SLC2A12: variants seen among roughly 807,000 people sequenced by gnomAD.
The protein encoded by SLC2A12 is solute carrier family 2, facilitated glucose transporter member 12.
SLC2A12 carries 23 observed loss-of-function variants against 41.8 expected under a neutral mutation model. The observed-to-expected ratio is 0.55, with a 90% CI of 0.40 to 0.78. The LOEUF (loss-of-function observed/expected upper bound fraction) is 0.78, where lower values mean the gene tolerates loss of function less well. Among genes scored for constraint, SLC2A12 ranks in the 30% least tolerant of loss-of-function variants. The pLI, the probability that SLC2A12 is intolerant of heterozygous loss-of-function variation, is 0.00. For missense variants in SLC2A12, 654 were observed against 745.6 expected (o/e 0.88, Z 1.43); for synonymous variants, 295 against 285.9 (o/e 1.03, Z -0.32).
At position 134,052,544 on chromosome 6, in the gene SLC2A12, G is replaced by A. The variant is rs1003091659; in HGVS notation, c.-64C>T. The stretch of plus-strand genomic sequence containing the variant: ...CCGCCCCGACCACCCCCGCTCCCAG[G>A]AGTGGTCACTTTCCCCATAATAGCA... On this transcript the variant is annotated 5_prime_UTR_variant, in exon 1 of 5. Transcript: ENST00000275230. 6.2e-6 allele frequency: 8 copies of A among 1,298,854 alleles called. No homozygotes were observed. Among genetic ancestry groups the A allele is most frequent in the Non-Finnish European group, 8.8e-6 (8 of 905,752 alleles). The allele number at this position is 1,298,854 out of a possible 1,614,324, so 80.5% of individuals were successfully genotyped here. A position where few individuals can be genotyped will look rare whatever the true frequency, so the allele number is the denominator to read the frequency against.
At position 134,002,957 on chromosome 6, in the gene SLC2A12, T is replaced by C. The variant is rs1454743427; in HGVS notation, c.1568-828A>G. Among the ~76,000 whole-genome samples the C allele has an allele frequency of 2.0e-5, 3 of 152,204 alleles. No homozygotes were observed. The East Asian group carries it at 5.8e-4, about 29-fold the overall frequency. ...GTCAGCAGTGGCCCCCACAGTGCACTTGAGGCTGCCATTTGCATTGTGGCG... is the reference window on the plus strand; with the variant it reads ...GTCAGCAGTGGCCCCCACAGTGCACCTGAGGCTGCCATTTGCATTGTGGCG... On this transcript the variant is annotated intron_variant, in intron 3 of 4. Transcript: ENST00000275230.
At chr6:134,023,474 T>C (rs1777072719) in intron 2 of SLC2A12, among the ~76,000 whole-genome samples, 1 of 152,088 alleles carries the variant, frequency 6.6e-6, no homozygotes, top group Admixed American at 6.6e-5. Flanking sequence ...GGTTGTTGTG[T>C]TTGGCTGACA....
At chr6:134,038,995 G>A (rs1049630437) in intron 1 of SLC2A12, among the ~76,000 whole-genome samples, 3 of 152,040 alleles carry the variant, frequency 2.0e-5, no homozygotes, top group Admixed American at 1.3e-4. Flanking sequence ...GTGAGCTATC[G>A]CACCCAGCCT....
intron 1 of SLC2A12, among the ~76,000 whole-genome samples, chr6:134,051,728 G>A (rs1023216855): frequency 6.6e-6 from 1 of 152,110 alleles, no homozygotes; most frequent in Non-Finnish European, 1.5e-5. Flanking sequence ...GGTCATCATA[G>A]CAAACAAACC....
At chr6:133,996,885 G>T (rs780954566) in intron 4 of SLC2A12, among the ~76,000 whole-genome samples, 3 of 151,972 alleles carry the variant, frequency 2.0e-5, no homozygotes, top group African/African-American at 2.4e-5. Flanking sequence ...AGATACTTTG[G>T]TCAATTTACA....
At chr6:134,029,760 G>T in intron 1 of SLC2A12, 39 bp from the exon 2 acceptor site, 1 of 1,543,814 alleles carries the variant, frequency 6.5e-7, no homozygotes, top group Non-Finnish European at 8.7e-7. Context: ...TCAGTTCTCA[G>T]TTGAGATTTT....
intron 2 of SLC2A12, among the ~76,000 whole-genome samples, chr6:134,024,041 C>T (rs183214213): frequency 2.6e-5 from 4 of 152,358 alleles, no homozygotes; most frequent in African/African-American, 7.2e-5. Flanking sequence ...CGGGCCCTAG[C>T]CACCACCGCA....
intron 2 of SLC2A12, among the ~76,000 whole-genome samples, chr6:134,018,859 T>A (rs1046467779): frequency 3.3e-5 from 5 of 152,106 alleles, no homozygotes; most frequent in Admixed American, 2.0e-4. Flanking sequence ...GCAAGACACA[T>A]GTGCTGGATG....
chr6:133,994,878 C>T (rs547279782), intron 4 of SLC2A12, among the ~76,000 whole-genome samples: 8 of 152,072 alleles, frequency 5.3e-5, no homozygotes, highest in Non-Finnish European at 8.8e-5. Flanking sequence ...GGGGACGGGT[C>T]GCAGAAGGAT....
In SLC2A12 at chr6:133,988,733, TAA is replaced by T. The variant is rs930604578; in HGVS notation, c.*2420_*2421del. The T allele has an allele frequency of 4.0e-5, 6 of 151,748 alleles. No homozygotes were observed. Among genetic ancestry groups the T allele is most frequent in the African/African-American group, 9.7e-5 (4 of 41,366 alleles). 9.4% of individuals were successfully genotyped at this position (151,748 alleles called of 1,614,324 possible). A position where few individuals can be genotyped will look rare whatever the true frequency, so the allele number is the denominator to read the frequency against. ...TTAGACTTGTATTTTTCCTTTTTTT[TAA>T]AAAAAAAGTGTTTATTTCCTTTATT... On this transcript the variant is annotated 3_prime_UTR_variant, in exon 5 of 5. Transcript: ENST00000275230.
intron 2 of SLC2A12, among the ~76,000 whole-genome samples, chr6:134,017,960 T>C (rs1275610503): frequency 1.3e-5 from 2 of 151,952 alleles, no homozygotes; most frequent in East Asian, 1.9e-4. Context: ...GTAAAACCTG[T>C]CTGGTTTCCT....
intron 1 of SLC2A12, among the ~76,000 whole-genome samples, chr6:134,035,517 A>G (rs1393422936): frequency 1.3e-5 from 2 of 152,188 alleles, no homozygotes; most frequent in African/African-American, 4.8e-5. Flanking sequence ...TCACATTTCT[A>G]CACGCCCATC....
intron 3 of SLC2A12, among the ~76,000 whole-genome samples, chr6:134,006,193 C>CAAAAAAAAAAAAAAAAAAA (rs571711008): frequency 8.2e-6 from 1 of 121,604 alleles, no homozygotes; most frequent in Non-Finnish European, 1.7e-5. Context: ...AAAAAAAAAA[C>CAAAAAAAAAAAAAAAAAAA]AAAAAAAAAA....
intron 1 of SLC2A12, among the ~76,000 whole-genome samples, chr6:134,029,937 T>C (rs1302997004): frequency 2.6e-5 from 4 of 152,136 alleles, no homozygotes; most frequent in Admixed American, 2.0e-4. Context: ...CATGGAGACA[T>C]GTAGGAAGTC....
At chr6:134,037,588 C>T (rs540832551) in intron 1 of SLC2A12, among the ~76,000 whole-genome samples, 1 of 152,138 alleles carries the variant, frequency 6.6e-6, no homozygotes, top group South Asian at 2.1e-4. Flanking sequence ...CTCGTGACCC[C>T]GTGATCTGCC....
At position 134,052,454 on chromosome 6, in the gene SLC2A12, G is replaced by T; in HGVS notation, c.27C>A (p.Gly9=). ...TCCCCTTCTGGTTCAGCAGACTGGG[G>T]CCCTCGGTGTTTTCAACAGGTACCA... is the stretch of plus-strand genomic sequence containing the variant. MVPVENTE[G]PSLLNQKGTA... Residue 9 remains glycine, a synonymous_variant, in exon 1 of 5, where the codon GGC becomes GGA. Transcript: ENST00000275230. 6.2e-7 allele frequency: 1 copy of T among 1,613,390 alleles called. No individual in the cohort carries two copies.
intron 1 of SLC2A12, among the ~76,000 whole-genome samples, chr6:134,034,303 C>T (rs1777263252): frequency 1.3e-5 from 2 of 152,156 alleles, no homozygotes; most frequent in Non-Finnish European, 2.9e-5. Flanking sequence ...TCTCAGTTGT[C>T]TGAATTTTAA....
At chr6:134,038,190 GACA>G (rs1777329670) in intron 1 of SLC2A12, among the ~76,000 whole-genome samples, 1 of 152,080 alleles carries the variant, frequency 6.6e-6, no homozygotes, top group African/African-American at 2.4e-5. Context: ...CAATTTCACA[GACA>G]TCCTTTCCTG....
Position 133,991,060 on chromosome 6 carries a change from T to G in SLC2A12, c.*95A>C. On this transcript the variant is annotated 3_prime_UTR_variant, in exon 5 of 5. Transcript: ENST00000275230. ...CTCTTCAAAACCAGTTCCATGACACTGAAAAGAGAGCACAGGAGTCGCAAC... is the reference window on the plus strand; with the variant it reads ...CTCTTCAAAACCAGTTCCATGACACGGAAAAGAGAGCACAGGAGTCGCAAC... 7.1e-7 allele frequency: 1 copy of G among 1,407,142 alleles called. No homozygotes were observed. The highest frequency in any genetic ancestry group is 1.4e-5 in the African/African-American group (1 of 69,076). 87.2% of individuals were successfully genotyped at this position (1,407,142 alleles called of 1,614,324 possible).
Sources: allele counts gnomAD v4.1 joint callset (sites outside exome capture counted in the v4.1 genomes callset), GRCh38; gene constraint gnomAD v4.1.1; transcripts MANE v1.5; gene names NCBI Gene and HGNC (gene_info 2026-07-23, HGNC 2026-07-21).